Variants in MECOM observed in about 807,000 individuals in gnomAD.
MECOM encodes the protein MDS1 and EVI1 complex locus, also known as histone-lysine N-methyltransferase MECOM.
A neutral mutation model predicts 116.3 loss-of-function variants in MECOM; 13 were observed. That is an observed-to-expected ratio of 0.11 (90% CI 0.07 to 0.18). MECOM has a LOEUF of 0.18. Among genes scored for constraint, MECOM ranks in the 10% least tolerant of loss-of-function variants. The pLI is 1.00. For missense variants in MECOM, 1,299 were observed against 1,509.0 expected (o/e 0.86, Z 2.31); for synonymous variants, 528 against 535.2 (o/e 0.99, Z 0.19).
rs557439743 is a variant in MECOM, at chr3:169,357,072, C to T, written c.375+24115G>A. On this transcript the variant is annotated intron_variant, in intron 2 of 16. Coordinates refer to ENST00000651503, the MANE Select transcript of MECOM (RefSeq NM_004991.4). Reference sequence around the variant, plus strand: ...CGCATTTCTGTTTCTATTTTTTATGCCATGGTACATGACATATGGTTAAGA... The same window carrying T: ...CGCATTTCTGTTTCTATTTTTTATGTCATGGTACATGACATATGGTTAAGA... 4.7e-4 allele frequency among the ~76,000 whole-genome samples: 72 copies of T among 151,814 alleles called. No individual in the cohort carries two copies. The South Asian group carries it at 0.015, about 31-fold the overall frequency.
intron 1 of MECOM, among the ~76,000 whole-genome samples, chr3:169,580,455 T>G (rs1397591662): frequency 6.6e-6 from 1 of 152,170 alleles, no homozygotes; most frequent in Non-Finnish European, 1.5e-5. Context: ...TGGAGGTACA[T>G]ATCAAATATC....
chr3:169,155,961 T>A (rs928392175), intron 2 of MECOM, among the ~76,000 whole-genome samples: 2 of 152,208 alleles, frequency 1.3e-5, no homozygotes, highest in South Asian at 4.1e-4. Context: ...GTATGTAATA[T>A]TAAAAGCATT....
At chr3:169,533,603 T>C (rs894132716) in intron 1 of MECOM, among the ~76,000 whole-genome samples, 2 of 141,420 alleles carry the variant, frequency 1.4e-5, no homozygotes, top group Admixed American at 6.9e-5. Context: ...TTTCCTTATG[T>C]CGTTGGGGGC....
intron 1 of MECOM, among the ~76,000 whole-genome samples, chr3:169,647,653 C>T (rs954466612): frequency 6.6e-6 from 1 of 152,174 alleles, no homozygotes; most frequent in South Asian, 2.1e-4. Context: ...TTAATACCCT[C>T]TTAGCATTTT....
intron 1 of MECOM, among the ~76,000 whole-genome samples, chr3:169,547,240 C>T (rs925546753): frequency 7.9e-5 from 12 of 152,214 alleles, no homozygotes; most frequent in African/African-American, 2.7e-4. Context: ...CTCGCTCTCT[C>T]TCTCCTGCTC....
chr3:169,096,204 C>T (rs1353688002), intron 12 of MECOM, among the ~76,000 whole-genome samples: 3 of 151,178 alleles, frequency 2.0e-5, no homozygotes, highest in Non-Finnish European at 2.9e-5. Flanking sequence ...CATTATTTGC[C>T]ATCATTTGTT....
chr3:169,132,720 A>G (rs1735133642), intron 3 of MECOM, among the ~76,000 whole-genome samples: 1 of 151,116 alleles, frequency 6.6e-6, no homozygotes, highest in African/African-American at 2.4e-5. Flanking sequence ...CTTCCTAAGA[A>G]TGTCCACAAA....
intron 2 of MECOM, among the ~76,000 whole-genome samples, chr3:169,343,158 T>TG (rs374845631): frequency 5.3e-5 from 8 of 152,314 alleles, no homozygotes; most frequent in South Asian, 4.1e-4. Flanking sequence ...CTTTTTCTCC[T>TG]GTCTTTAGCA....
chr3:169,084,207 A>C lies in MECOM; in HGVS notation c.*702T>G, dbSNP rs542059292. The C allele has an allele frequency of 8.6e-6, 2 of 232,150 alleles. No homozygotes were observed. The highest frequency in any genetic ancestry group is 1.1e-4 in the Admixed American group (2 of 17,774). The allele number at this position is 232,150 out of a possible 1,614,324, so 14.4% of individuals were successfully genotyped here. On this transcript the variant is annotated 3_prime_UTR_variant, in exon 17 of 17. Transcript: ENST00000651503. ...TAAGATGTTATTACAAGGATTTGGC[A>C]AACAATTTATTAGTGGTACAGCGGT...
chr3:169,094,970 T>C, intron 13 of MECOM, 106 bp downstream of exon 13: 1 of 1,026,614 alleles, frequency 9.7e-7, no homozygotes, highest in Non-Finnish European at 1.3e-6. Flanking sequence ...TAAGACCTGA[T>C]TTTGGCGTCA....
At chr3:169,284,050 G>A (rs933495819) in intron 2 of MECOM, among the ~76,000 whole-genome samples, 10 of 152,282 alleles carry the variant, frequency 6.6e-5, no homozygotes, top group African/African-American at 9.6e-5. Flanking sequence ...TGTCCCATTC[G>A]AAATAGTTCC....
intron 2 of MECOM, among the ~76,000 whole-genome samples, chr3:169,189,406 G>T (rs896687429): frequency 1.3e-5 from 2 of 151,882 alleles, no homozygotes; most frequent in Non-Finnish European, 2.9e-5. Context: ...CAAACTCCAG[G>T]GGAAAAAAAT....
intron 1 of MECOM, among the ~76,000 whole-genome samples, chr3:169,418,125 C>CAAAAAAAAAAAAAAAAAA (rs568727385): frequency 8.5e-6 from 1 of 118,160 alleles, no homozygotes. Flanking sequence ...AAAAACTAAA[C>CAAAAAAAAAAAAAAAAAA]AAAAAAAAAA....
intron 1 of MECOM, among the ~76,000 whole-genome samples, chr3:169,400,515 T>C (rs980434551): frequency 1.3e-5 from 2 of 152,344 alleles, no homozygotes; most frequent in South Asian, 2.1e-4. Context: ...ATGATCTGTG[T>C]CACTTTGTTT....
intron 1 of MECOM, among the ~76,000 whole-genome samples, chr3:169,528,021 G>C (rs1167340224): frequency 6.6e-6 from 1 of 152,122 alleles, no homozygotes; most frequent in African/African-American, 2.4e-5. Flanking sequence ...TGACACTCTG[G>C]GGGTGAACGT....
At chr3:169,283,130 A>G (rs1712480613) in intron 2 of MECOM, among the ~76,000 whole-genome samples, 1 of 152,218 alleles carries the variant, frequency 6.6e-6, no homozygotes, top group Non-Finnish European at 1.5e-5. Context: ...CACTTAGAAT[A>G]TAATAGATGT....
In MECOM at chr3:169,389,052, G is replaced by A. The variant is rs377063596; in HGVS notation, c.38-7528C>T. On this transcript the variant is annotated intron_variant, in intron 1 of 16. Transcript: ENST00000651503. ...ACTTTTATTTTTCTCCTGGTATTGCGGCATACTGTTGCATGTCCTGTGGCT... is the reference window on the plus strand; with the variant it reads ...ACTTTTATTTTTCTCCTGGTATTGCAGCATACTGTTGCATGTCCTGTGGCT... Among the ~76,000 whole-genome samples, 19 of 152,248 alleles carry A rather than the reference G, an allele frequency of 1.2e-4. No individual in the cohort carries two copies. The South Asian group carries it at 2.7e-3, about 22-fold the overall frequency.
At chr3:169,629,074 C>G (rs1293892899) in intron 1 of MECOM, among the ~76,000 whole-genome samples, 1 of 151,318 alleles carries the variant, frequency 6.6e-6, no homozygotes, top group Non-Finnish European at 1.5e-5. Flanking sequence ...ACCATCCCAT[C>G]CCATCCCCTC....
At position 169,509,073 on chromosome 3, in the gene MECOM, C is replaced by T. The variant is rs147367328; in HGVS notation, c.38-127549G>A. On this transcript the variant is annotated intron_variant, in intron 1 of 16. Transcript: ENST00000651503. ...CTAAACTCTACACTAAGATAAATGC[C>T]GAAGAGACCTGCTATTAATGTGCCT... Among the ~76,000 whole-genome samples, 938 of 152,244 alleles carry T rather than the reference C, an allele frequency of 6.2e-3. 7 individuals carry two copies. The highest frequency in any genetic ancestry group is 0.017 in the South Asian group (82 of 4,822).
Sources: gnomAD v4.1 joint callset for allele counts (sites outside exome capture counted in the v4.1 genomes callset) on GRCh38, gnomAD v4.1.1 for gene constraint, MANE v1.5 for transcripts, NCBI Gene and HGNC (gene_info 2026-07-23, HGNC 2026-07-21) for gene names.